The following TOR1AIP1 variants were observed in gnomAD, a reference collection of about 807,000 sequenced individuals.
The protein encoded by TOR1AIP1 is torsin 1A interacting protein 1.
Under a neutral mutation model 63.3 loss-of-function variants are expected in TOR1AIP1, and 54 were observed. The ratio of observed to expected loss-of-function variants is 0.85; its 90% confidence interval spans 0.69 to 1.07. The LOEUF is 1.07. Among genes scored for constraint, TOR1AIP1 ranks in the 50% least tolerant of loss-of-function variants. The pLI is 0.00. For missense variants in TOR1AIP1, 736 were observed against 715.0 expected (o/e 1.03, Z -0.33); for synonymous variants, 294 against 273.5 (o/e 1.07, Z -0.74).
At chr1:179,884,923 A>G (rs894816948) in intron 2 of TOR1AIP1, among the ~76,000 whole-genome samples, 154 bp downstream of exon 2, 3 of 152,224 alleles carry the variant, frequency 2.0e-5, no homozygotes, top group Admixed American at 6.5e-5. Flanking sequence ...TAAGATAGGT[A>G]TTATACCAAT....
At position 179,886,496 on chromosome 1, in the gene TOR1AIP1, G is replaced by A. The variant is rs966587649; in HGVS notation, c.553+1727G>A. Among the ~76,000 whole-genome samples the A allele has an allele frequency of 4.6e-5, 7 of 152,206 alleles. No homozygotes were observed. In the East Asian group the frequency reaches 1.4e-3, roughly 29 times the overall value. On this transcript the variant is annotated intron_variant, in intron 2 of 9. Coordinates refer to ENST00000606911, the MANE Select transcript of TOR1AIP1 (RefSeq NM_015602.4). ...TTATTTGCCCTGCATAACTCACAGGGCCTCTGAAGAAATGAGATAGTACAT... is the reference window on the plus strand; with the variant it reads ...TTATTTGCCCTGCATAACTCACAGGACCTCTGAAGAAATGAGATAGTACAT...
chr1:179,885,105 T>G (rs1185493109), intron 2 of TOR1AIP1, among the ~76,000 whole-genome samples: 1 of 152,256 alleles, frequency 6.6e-6, no homozygotes, highest in East Asian at 1.9e-4. Context: ...CAGTAAAATT[T>G]GTTCAATGTC....
In TOR1AIP1 at chr1:179,882,426, G is replaced by A. The variant is rs2148468296; in HGVS notation, c.-77G>A. ...GGCCACCGCCCAACACCCCCGAGAA[G>A]CCATCGCCACCACCGGCAGGAGAAC... is the stretch of plus-strand genomic sequence containing the variant. On this transcript the variant is annotated 5_prime_UTR_variant, in exon 1 of 10. Transcript: ENST00000606911. 7.5e-7 allele frequency: 1 copy of A among 1,341,430 alleles called. No homozygotes were observed. Among genetic ancestry groups the A allele is most frequent in the Non-Finnish European group, 9.7e-7 (1 of 1,032,880 alleles). 83.1% of individuals were successfully genotyped at this position (1,341,430 alleles called of 1,614,324 possible).
intron 4 of TOR1AIP1, 133 bp downstream of exon 4, chr1:179,900,300 C>T (rs966424462): frequency 2.9e-5 from 16 of 553,532 alleles, no homozygotes; most frequent in East Asian, 2.2e-4. Context: ...CTCAGCTACT[C>T]GGGAGGCTGA....
chr1:179,883,580 G>A (rs2148469337), intron 1 of TOR1AIP1: 1 of 456,090 alleles, frequency 2.2e-6, no homozygotes, highest in South Asian at 1.5e-5. Flanking sequence ...GTTCCCCAGT[G>A]TTTGATAACT....
At chr1:179,883,147 C>T (rs765552464) in intron 1 of TOR1AIP1, 170 bp downstream of exon 1, 59 of 668,308 alleles carry the variant, frequency 8.8e-5, no homozygotes, top group Non-Finnish European at 1.3e-4. Context: ...CACCCTGACC[C>T]GCAGCGGGGA....
chr1:179,883,752 G>C (rs1647820608), intron 1 of TOR1AIP1: 1 of 454,380 alleles, frequency 2.2e-6, no homozygotes, highest in Non-Finnish European at 4.4e-6. Flanking sequence ...CAAAAGGGAT[G>C]CTGACAAAGT....
intron 5 of TOR1AIP1, among the ~76,000 whole-genome samples, chr1:179,903,289 A>T (rs1236772243): frequency 6.6e-6 from 1 of 152,050 alleles, no homozygotes; most frequent in Non-Finnish European, 1.5e-5. Flanking sequence ...AAGAAAGAAA[A>T]AGAGTATACA....
intron 2 of TOR1AIP1, among the ~76,000 whole-genome samples, chr1:179,886,659 T>C (rs532692354): frequency 6.6e-6 from 1 of 152,242 alleles, no homozygotes; most frequent in East Asian, 1.9e-4. Flanking sequence ...TAAATAGAAA[T>C]TGAAAATGTT....
chr1:179,882,625 T>G lies in TOR1AIP1; in HGVS notation c.123T>G (p.Asp41Glu). 6.5e-7 allele frequency: 1 copy of G among 1,531,668 alleles called. No individual in the cohort carries two copies. The highest frequency in any genetic ancestry group is 8.8e-7 in the Non-Finnish European group (1 of 1,142,232). 94.9% of individuals were successfully genotyped at this position (1,531,668 alleles called of 1,614,324 possible). The change falls in exon 1 of 10, where the codon GAT (aspartate) becomes GAG (glutamate). Residue 41 changes from aspartate to glutamate, a missense_variant. Asp to Glu is a conservative substitution (Grantham distance 45). This residue lies in a region of TOR1AIP1 where 464 missense variants were observed against 371.0 expected (regional missense o/e 1.25). Transcript: ENST00000606911. ...CCCCTCAAAATGGCGGCAGCAGCGA[T>G]GCGCCTGCGTACAGAACTCCTCCGT... ...RLAPQNGGSS[D>E]APAYRTPPSR... is the part of the protein sequence containing the mutation.
At chr1:179,913,076 TGGAAG>T (rs1648889766) in intron 8 of TOR1AIP1, among the ~76,000 whole-genome samples, 1 of 152,034 alleles carries the variant, frequency 6.6e-6, no homozygotes, top group South Asian at 2.1e-4. Context: ...CTAAGAAAGA[TGGAAG>T]GGAAAGGGAA....
At chr1:179,904,153 A>G (rs1017731182) in intron 6 of TOR1AIP1, 131 bp downstream of exon 6, 1 of 637,098 alleles carries the variant, frequency 1.6e-6, no homozygotes, top group African/African-American at 1.9e-5. Context: ...AAAAAAACTT[A>G]TCCGATATCT....
chr1:179,885,962 A>T (rs1381108657), intron 2 of TOR1AIP1, among the ~76,000 whole-genome samples: 1 of 152,168 alleles, frequency 6.6e-6, no homozygotes, highest in Non-Finnish European at 1.5e-5. Flanking sequence ...GCTGGTCTCG[A>T]ACTCCTGACC....
At chr1:179,896,361 T>G (rs1040568784) in intron 3 of TOR1AIP1, among the ~76,000 whole-genome samples, 1 of 152,006 alleles carries the variant, frequency 6.6e-6, no homozygotes, top group Non-Finnish European at 1.5e-5. Flanking sequence ...CACTGCAACC[T>G]CCGCCTCAAA....
At chr1:179,894,091 A>G (rs1648188653) in intron 3 of TOR1AIP1, among the ~76,000 whole-genome samples, 1 of 151,464 alleles carries the variant, frequency 6.6e-6, no homozygotes, top group Non-Finnish European at 1.5e-5. Context: ...CTCTACTAAA[A>G]ATACAAAAAA....
chr1:179,890,407 C>G (rs891745261), intron 3 of TOR1AIP1, among the ~76,000 whole-genome samples: 16 of 152,082 alleles, frequency 1.1e-4, no homozygotes, highest in African/African-American at 3.9e-4. Flanking sequence ...TGATTTATTT[C>G]GATAGATAGT....
At chr1:179,909,848 C>T (rs759981744) in intron 8 of TOR1AIP1, among the ~76,000 whole-genome samples, 7 of 152,054 alleles carry the variant, frequency 4.6e-5, no homozygotes, top group East Asian at 1.9e-4. Flanking sequence ...CTGCAGCCTC[C>T]GCCTCCCACA....
chr1:179,883,719 A>G (rs1372836012), intron 1 of TOR1AIP1: 4 of 456,084 alleles, frequency 8.8e-6, no homozygotes, highest in South Asian at 1.5e-5. Context: ...AAGACTATTA[A>G]TTAGAGTTTT....
At chr1:179,905,778 C>T (rs1312019016) in intron 6 of TOR1AIP1, among the ~76,000 whole-genome samples, 1 of 152,074 alleles carries the variant, frequency 6.6e-6, no homozygotes, top group Non-Finnish European at 1.5e-5. Context: ...CATGGTGAAA[C>T]CCCGTCTCTG....
Sources: gnomAD v4.1 joint callset for allele counts (sites outside exome capture counted in the v4.1 genomes callset) on GRCh38, gnomAD v4.1.1 for gene constraint, gnomAD v4.1.1 regional missense constraint, MANE v1.5 for transcripts, NCBI Gene and HGNC (gene_info 2026-07-23, HGNC 2026-07-21) for gene names.